The following TMX3 variants were observed in gnomAD, a reference collection of about 807,000 sequenced individuals.
The protein encoded by TMX3 is thioredoxin related transmembrane protein 3.
In TMX3, 40 loss-of-function variants were observed where a neutral mutation model predicts 64.4. That is an observed-to-expected ratio of 0.62 (90% CI 0.48 to 0.81). TMX3 has a LOEUF of 0.81. Ranked by LOEUF, TMX3 falls within the 30% of genes least tolerant of loss-of-function variation. The pLI is 0.00. For missense variants in TMX3, 497 were observed against 534.5 expected, an observed-to-expected ratio of 0.93 and a Z score of 0.69; for synonymous variants, 189 against 175.7, an observed-to-expected ratio of 1.08 and a Z score of -0.60.
rs1359836306 is a variant in TMX3, at chr18:68,676,826, C to T, written c.*107G>A. The stretch of plus-strand genomic sequence containing the variant: ...CCATGCAGTTGATATTAGCAAAATA[C>T]GAATAACATGTTCTTTTCTGTAAAG... On this transcript the variant is annotated 3_prime_UTR_variant, in exon 16 of 16. Coordinates refer to ENST00000299608, the MANE Select transcript of TMX3 (RefSeq NM_019022.5). The T allele has an allele frequency of 8.6e-6, 12 of 1,388,348 alleles. No homozygotes were observed. The highest frequency in any genetic ancestry group is 1.5e-5 in the African/African-American group (1 of 68,360). 86.0% of individuals were successfully genotyped at this position (1,388,348 alleles called of 1,614,324 possible).
chr18:68,684,536 T>C, intron 10 of TMX3, 51 bp from the exon 11 acceptor site: 2 of 1,477,364 alleles, frequency 1.4e-6, no homozygotes, highest in African/African-American at 2.8e-5. Flanking sequence ...TTACACAAAC[T>C]GTTCAATTAT....
At chr18:68,714,813 G>A in intron 1 of TMX3, 123 bp downstream of exon 1, 1 of 1,324,056 alleles carries the variant, frequency 7.6e-7, no homozygotes, top group South Asian at 1.5e-5. Context: ...GACGCTGCCG[G>A]GAATGGGTGG....
At chr18:68,700,961 A>G (rs1238936593) in intron 5 of TMX3, 2 of 985,200 alleles carry the variant, frequency 2.0e-6, no homozygotes, top group Middle Eastern at 5.2e-4. Context: ...TCTTCTAGAA[A>G]CGTACATAAT....
intron 4 of TMX3, among the ~76,000 whole-genome samples, chr18:68,703,384 T>TA (rs1568198795): frequency 6.6e-6 from 1 of 152,024 alleles, no homozygotes; most frequent in Non-Finnish European, 1.5e-5. Context: ...ATAAAGAAAA[T>TA]ACAGTATGCA....
At position 68,708,776 on chromosome 18, in the gene TMX3, T is replaced by A. The variant is rs1047308147; in HGVS notation, c.265+1245A>T. Among the ~76,000 whole-genome samples, 4 of 152,154 alleles carry A rather than the reference T, an allele frequency of 2.6e-5. No individual in the cohort carries two copies. In the East Asian group the frequency reaches 5.8e-4, roughly 22 times the overall value. ...GCCTGACCTGGGAAGCTCTTAACAA[T>A]GTGGCATTATCCTTTAGTGTCATAT... On this transcript the variant is annotated intron_variant, in intron 4 of 15. Coordinates refer to ENST00000299608, the MANE Select transcript of TMX3 (RefSeq NM_019022.5).
Position 68,684,449 on chromosome 18 carries a change from T to A in TMX3, c.773A>T (p.Asn258Ile). Residue 258 changes from asparagine (N) to isoleucine (I), a missense_variant, in exon 11 of 16, where the codon AAT becomes ATT. Physicochemically the swap from Asn to Ile is moderately radical, Grantham distance 149. Transcript: ENST00000299608. ...ATACCTGGTATGTTCAACTGATGTA[T>A]TTTTCTCATCAATAACTGCAAGAGC... is the stretch of plus-strand genomic sequence containing the variant. ...LVALAVIDEK[N>I]TSVEHTRLKS... 1 of 1,613,014 alleles carries A rather than the reference T, an allele frequency of 6.2e-7. No homozygotes were observed. The highest frequency in any genetic ancestry group is 1.1e-5 in the South Asian group (1 of 91,022).
Position 68,701,254 on chromosome 18 carries a change from G to A in TMX3, c.311+491C>T, listed in dbSNP as rs374285639. Reference sequence around the variant, plus strand: ...TACGTTATTATAAAAATAACTTTCCGAACAATTCCACAGCTCCCCACATTA... The same window carrying A: ...TACGTTATTATAAAAATAACTTTCCAAACAATTCCACAGCTCCCCACATTA... On this transcript the variant is annotated intron_variant, in intron 5 of 15. Transcript: ENST00000299608. Among the ~76,000 whole-genome samples the A allele has an allele frequency of 1.3e-4, 20 of 152,024 alleles. No individual in the cohort carries two copies. The East Asian group carries it at 1.4e-3, about 10-fold the overall frequency.
At chr18:68,711,620 T>A (rs557743757) in intron 2 of TMX3, among the ~76,000 whole-genome samples, 62 of 152,264 alleles carry the variant, frequency 4.1e-4, no homozygotes, top group African/African-American at 1.4e-3. Context: ...GAGGAAAGAC[T>A]CCAAGAAAAA....
At chr18:68,690,674 G>A (rs1914429705) in intron 9 of TMX3, among the ~76,000 whole-genome samples, 1 of 152,214 alleles carries the variant, frequency 6.6e-6, no homozygotes, top group Non-Finnish European at 1.5e-5. Context: ...TTGCTTTAAA[G>A]TACTTCAGCA....
chr18:68,689,479 C>G (rs1015815567), intron 9 of TMX3, among the ~76,000 whole-genome samples: 2 of 150,562 alleles, frequency 1.3e-5, no homozygotes, highest in African/African-American at 4.9e-5. Context: ...GATTTGAAGA[C>G]TGAATTTTGA....
chr18:68,678,611 C>T (rs918308208), intron 15 of TMX3, among the ~76,000 whole-genome samples: 8 of 151,984 alleles, frequency 5.3e-5, no homozygotes, highest in Admixed American at 3.9e-4. Flanking sequence ...ATTAGTTTGA[C>T]AGAGTGAGCA....
At chr18:68,694,793 T>C (rs998140426) in intron 8 of TMX3, among the ~76,000 whole-genome samples, 23 of 152,206 alleles carry the variant, frequency 1.5e-4, no homozygotes, top group African/African-American at 5.1e-4. Context: ...TTGAAAATCA[T>C]TGTGGGGTAC....
At chr18:68,698,615 TGAAGA>T (rs1241869216) in intron 6 of TMX3, among the ~76,000 whole-genome samples, 2 of 152,008 alleles carry the variant, frequency 1.3e-5, no homozygotes, top group East Asian at 1.9e-4. Context: ...AAGAACCTCA[TGAAGA>T]GAAAACAAAA....
intron 6 of TMX3, among the ~76,000 whole-genome samples, chr18:68,698,335 G>A (rs1915319412): frequency 1.3e-5 from 2 of 152,122 alleles, no homozygotes; most frequent in Admixed American, 6.5e-5. Context: ...GAGAAGTATT[G>A]TCCATTTAGA....
chr18:68,684,580 T>C, intron 10 of TMX3, 95 bp from the exon 11 acceptor site: 1 of 999,596 alleles, frequency 1.0e-6, no homozygotes, highest in South Asian at 1.4e-5. Context: ...TAGTAAAGTA[T>C]TTCTAGAATT....
At position 68,683,905 on chromosome 18, in the gene TMX3, CTGT is replaced by C. The variant is rs1384248701; in HGVS notation, c.848+282_848+284del. 5.9e-5 allele frequency among the ~76,000 whole-genome samples: 9 copies of C among 152,144 alleles called. No homozygotes were observed. The South Asian group carries it at 8.3e-4, about 14-fold the overall frequency. On this transcript the variant is annotated intron_variant, in intron 12 of 15. Coordinates refer to ENST00000299608, the MANE Select transcript of TMX3 (RefSeq NM_019022.5). The stretch of plus-strand genomic sequence containing the variant: ...AATTGTTCTATTTTATTATTAATTA[CTGT>C]TGTTGATCTCTTACTGTACCTAATG...
intron 12 of TMX3, 47 bp downstream of exon 12, chr18:68,684,143 T>C (rs754277064): frequency 1.4e-6 from 2 of 1,390,406 alleles, no homozygotes; most frequent in East Asian, 4.6e-5. Flanking sequence ...AATTACAAAA[T>C]GGTATTAAAC....
intron 8 of TMX3, among the ~76,000 whole-genome samples, chr18:68,693,482 C>G (rs553656221): frequency 1.5e-3 from 223 of 152,070 alleles, no homozygotes; most frequent in Non-Finnish European, 2.8e-3. Context: ...GCTCCCTGGA[C>G]TCTCCCTGCT....
At chr18:68,707,240 C>T (rs1260446331) in intron 4 of TMX3, among the ~76,000 whole-genome samples, 1 of 150,406 alleles carries the variant, frequency 6.6e-6, no homozygotes, top group East Asian at 2.0e-4. Flanking sequence ...TTCAAGTAGG[C>T]TTTCCAAGCA....
Sources: gnomAD v4.1 joint callset for allele counts (sites outside exome capture counted in the v4.1 genomes callset) on GRCh38, gnomAD v4.1.1 for gene constraint, MANE v1.5 for transcripts, NCBI Gene and HGNC (gene_info 2026-07-23, HGNC 2026-07-21) for gene names.